UST: variants seen among roughly 807,000 people sequenced by gnomAD.
The protein encoded by UST is chondroitin sulfate 2-O-sulfotransferase.
A neutral mutation model predicts 45.6 loss-of-function variants in UST; 21 were observed. That is an observed-to-expected ratio of 0.46 (90% CI 0.33 to 0.66). The LOEUF is 0.66. Ranked by LOEUF, UST falls within the 30% of genes least tolerant of loss-of-function variation. The probability of loss-of-function intolerance (pLI) is 0.02; values close to 1 mark genes in which losing one functional copy is unlikely to be tolerated. For synonymous variants in UST, 215 were observed against 200.6 expected (o/e 1.07, Z -0.61); for missense variants, 463 against 512.4 (o/e 0.90, Z 0.93).
chr6:149,030,402 G>A (rs1486034420), intron 7 of UST, among the ~76,000 whole-genome samples: 2 of 151,740 alleles, frequency 1.3e-5, no homozygotes, highest in Non-Finnish European at 2.9e-5. Flanking sequence ...AGCACCTTGG[G>A]AGGCCAAGGC....
At chr6:149,057,139 A>G (rs2010821372) in intron 7 of UST, among the ~76,000 whole-genome samples, 1 of 152,242 alleles carries the variant, frequency 6.6e-6, no homozygotes, top group South Asian at 2.1e-4. Flanking sequence ...ATAAAAATAC[A>G]AAGTTCTGTG....
At chr6:148,855,611 G>T (rs954373781) in intron 1 of UST, among the ~76,000 whole-genome samples, 3 of 152,176 alleles carry the variant, frequency 2.0e-5, no homozygotes, top group African/African-American at 7.2e-5. Context: ...ATCCAAGGAA[G>T]GTGGGGATGA....
intron 1 of UST, among the ~76,000 whole-genome samples, chr6:148,798,653 C>A (rs1251964609): frequency 1.3e-5 from 2 of 152,036 alleles, no homozygotes; most frequent in African/African-American, 4.8e-5. Context: ...GGAGGACAAC[C>A]AGGACAGTGA....
At chr6:148,894,128 C>A (rs1010416626) in intron 2 of UST, among the ~76,000 whole-genome samples, 3 of 152,058 alleles carry the variant, frequency 2.0e-5, no homozygotes, top group African/African-American at 7.3e-5. Flanking sequence ...AGGAGCTTGG[C>A]TTTAACAGGA....
intron 7 of UST, among the ~76,000 whole-genome samples, chr6:149,040,137 C>A (rs560584558): frequency 6.6e-6 from 1 of 152,322 alleles, no homozygotes; most frequent in South Asian, 2.1e-4. Context: ...GCTCTTCCAA[C>A]TCAAACAACT....
rs1035887983 is a variant in UST, at chr6:148,956,454, C to T, written c.527+2503C>T. On this transcript the variant is annotated intron_variant, in intron 4 of 7. Transcript: ENST00000367463. ...ATCTTGTGAGACTTATTCGCTACCA[C>T]GAGAACAGTATGGGGGAAACCACCC... 2.2e-4 allele frequency among the ~76,000 whole-genome samples: 33 copies of T among 152,278 alleles called. 1 individual carries two copies. Among genetic ancestry groups the T allele is most frequent in the Middle Eastern group, 3.4e-3 (1 of 294 alleles).
At chr6:148,970,924 C>A (rs1406828792) in intron 5 of UST, among the ~76,000 whole-genome samples, 3 of 152,230 alleles carry the variant, frequency 2.0e-5, no homozygotes, top group Non-Finnish European at 4.4e-5. Flanking sequence ...TGTCCCCTCT[C>A]AAGGTCTGTA....
chr6:148,768,675 C>T (rs1177105604), intron 1 of UST, among the ~76,000 whole-genome samples: 2 of 152,092 alleles, frequency 1.3e-5, no homozygotes, highest in East Asian at 1.9e-4. Context: ...GAAACAAAGT[C>T]GTCATTTTGA....
chr6:149,035,104 A>G (rs1776222277), intron 7 of UST, among the ~76,000 whole-genome samples: 1 of 152,016 alleles, frequency 6.6e-6, no homozygotes, highest in Admixed American at 6.6e-5. Flanking sequence ...CTCTAGATTC[A>G]TCCTTTCTAT....
At chr6:148,801,310 T>A (rs946470414) in intron 1 of UST, among the ~76,000 whole-genome samples, 4 of 152,180 alleles carry the variant, frequency 2.6e-5, no homozygotes, top group African/African-American at 9.6e-5. Flanking sequence ...GTTAAGGGTG[T>A]TTCTCTACAG....
chr6:148,797,272 G>A (rs1776970523), intron 1 of UST, among the ~76,000 whole-genome samples: 1 of 152,016 alleles, frequency 6.6e-6, no homozygotes, highest in African/African-American at 2.4e-5. Flanking sequence ...ATGAAACCCT[G>A]TCTCTAAAAA....
chr6:149,038,226 G>T (rs1776264541), intron 7 of UST, among the ~76,000 whole-genome samples: 1 of 151,582 alleles, frequency 6.6e-6, no homozygotes, highest in Non-Finnish European at 1.5e-5. Flanking sequence ...CAAGAATTGA[G>T]ACCCCTTCCC....
chr6:148,765,129 C>T (rs1203985555), intron 1 of UST, among the ~76,000 whole-genome samples: 1 of 152,126 alleles, frequency 6.6e-6, no homozygotes, highest in Admixed American at 6.6e-5. Flanking sequence ...TCCCTTGTTC[C>T]CTGAAAATCG....
chr6:148,777,531 T>G (rs1162838404), intron 1 of UST, among the ~76,000 whole-genome samples: 1 of 152,210 alleles, frequency 6.6e-6, no homozygotes, highest in Non-Finnish European at 1.5e-5. Flanking sequence ...CTATTTTTAC[T>G]GTACCTTTCC....
At chr6:148,813,536 C>A (rs768036069) in intron 1 of UST, among the ~76,000 whole-genome samples, 1 of 152,052 alleles carries the variant, frequency 6.6e-6, no homozygotes, top group East Asian at 1.9e-4. Flanking sequence ...CGCCTGCCAC[C>A]GTGCCTGGCT....
At chr6:148,800,379 C>G (rs1041088389) in intron 1 of UST, among the ~76,000 whole-genome samples, 1 of 152,182 alleles carries the variant, frequency 6.6e-6, no homozygotes, top group Admixed American at 6.5e-5. Context: ...TTCTTCCTCC[C>G]CCATCTTTTG....
intron 1 of UST, among the ~76,000 whole-genome samples, chr6:148,826,313 A>G (rs1379921237): frequency 6.6e-6 from 1 of 152,142 alleles, no homozygotes; most frequent in African/African-American, 2.4e-5. Flanking sequence ...GGGTTTCGCC[A>G]TGTTGGCCAG....
intron 1 of UST, among the ~76,000 whole-genome samples, chr6:148,846,434 C>G (rs541193371): frequency 6.6e-5 from 10 of 151,386 alleles, no homozygotes; most frequent in Admixed American, 1.3e-4. Context: ...ACATCACACT[C>G]TGGGGACTGT....
At chr6:148,912,234 T>C (rs1779489889) in intron 2 of UST, among the ~76,000 whole-genome samples, 2 of 152,222 alleles carry the variant, frequency 1.3e-5, no homozygotes, top group South Asian at 2.1e-4. Flanking sequence ...ACTCTATCTA[T>C]GCGTCTTTTA....
Sources: gnomAD v4.1 joint callset for allele counts (sites outside exome capture counted in the v4.1 genomes callset) on GRCh38, gnomAD v4.1.1 for gene constraint, MANE v1.5 for transcripts, NCBI Gene and HGNC (gene_info 2026-07-23, HGNC 2026-07-21) for gene names.